The following PCDHA5 variants were observed in gnomAD, a reference collection of about 807,000 sequenced individuals.
The protein encoded by PCDHA5 is protocadherin alpha 5.
In PCDHA5, 43 loss-of-function variants were observed where a neutral mutation model predicts 61.6. The ratio of observed to expected loss-of-function variants is 0.70; its 90% CI spans 0.55 to 0.90. PCDHA5 has a LOEUF of 0.90. Among genes scored for constraint, PCDHA5 ranks in the 40% least tolerant of loss-of-function variants. PCDHA5 has a pLI of 0.00. For missense variants in PCDHA5, 1,298 were observed against 1,222.7 expected (o/e 1.06, Z -0.92); for synonymous variants, 627 against 543.9 (o/e 1.15, Z -2.13).
At chr5:140,967,980 A>C in intron 1 of PCDHA5, 1 of 1,614,198 alleles carries the variant, frequency 6.2e-7, no homozygotes, top group South Asian at 1.1e-5. Context: ...CTGGGTCTGG[A>C]GGCCACACTG....
intron 1 of PCDHA5, chr5:140,884,085 G>A (rs1181483962): frequency 6.2e-7 from 1 of 1,613,484 alleles, no homozygotes; most frequent in Non-Finnish European, 8.5e-7. Flanking sequence ...TACAATGCGT[G>A]GCTTTCGTAT....
At chr5:140,970,316 A>G (rs547261671) in intron 1 of PCDHA5, among the ~76,000 whole-genome samples, 1 of 152,342 alleles carries the variant, frequency 6.6e-6, no homozygotes, top group African/African-American at 2.4e-5. Flanking sequence ...GTTAAATGAC[A>G]GTACTTCCAA....
intron 1 of PCDHA5, chr5:140,871,061 A>G (rs2052667671): frequency 6.2e-7 from 1 of 1,613,082 alleles, no homozygotes; most frequent in African/African-American, 1.3e-5. Flanking sequence ...GTGAAGGATC[A>G]CGGTGAGCCG....
chr5:140,875,521 T>C (rs2055562442), intron 1 of PCDHA5: 2 of 1,614,014 alleles, frequency 1.2e-6, no homozygotes, highest in Non-Finnish European at 1.7e-6. Flanking sequence ...TCTGCTGCTC[T>C]CGCTTCTGCT....
At chr5:140,877,488 C>T (rs781785108) in intron 1 of PCDHA5, 9 of 1,613,736 alleles carry the variant, frequency 5.6e-6, no homozygotes, top group Admixed American at 5.0e-5. Flanking sequence ...TGGTGGAGAA[C>T]GGCCAGGCCC....
chr5:140,864,502 C>A (rs989482807), intron 1 of PCDHA5: 2 of 152,088 alleles, frequency 1.3e-5, no homozygotes, highest in African/African-American at 4.8e-5. Context: ...TTTAGCCTTG[C>A]CTTTAAAGGT....
intron 1 of PCDHA5, chr5:140,869,665 C>G: frequency 6.2e-7 from 1 of 1,613,338 alleles, no homozygotes; most frequent in Non-Finnish European, 8.5e-7. Flanking sequence ...AAATGGTAAG[C>G]AGATTAAAAG....
At chr5:140,966,489 C>T in intron 1 of PCDHA5, 1 of 440,146 alleles carries the variant, frequency 2.3e-6, no homozygotes, top group Non-Finnish European at 3.9e-6. Flanking sequence ...TTCCCTCCCC[C>T]TGGAGCTGTA....
intron 3 of PCDHA5, among the ~76,000 whole-genome samples, chr5:141,005,089 A>C (rs1554259886): frequency 6.6e-6 from 1 of 152,244 alleles, no homozygotes; most frequent in Non-Finnish European, 1.5e-5. Context: ...TTAGTACTTT[A>C]CATGCATTAC....
chr5:140,929,226 C>G lies in PCDHA5; in HGVS notation c.2353-49723C>G, dbSNP rs782065898. ...TGTTGCGTGGGGAGTACAATGCTGC[C>G]GACCTGCGAAATCTTGCCACTGGGG... is the stretch of plus-strand genomic sequence containing the variant. On this transcript the variant is annotated intron_variant, in intron 1 of 3. Transcript: ENST00000529859. 5.0e-6 allele frequency: 8 copies of G among 1,613,768 alleles called. No homozygotes were observed. In the South Asian group the frequency reaches 8.8e-5, roughly 18 times the overall value.
At position 140,822,179 on chromosome 5, in the gene PCDHA5, A is replaced by G. The variant is rs1767221241; in HGVS notation, c.404A>G (p.Gln135Arg). ...INDNPPRFSR[Q>R]EQRLFILESR... ...GACAATCCGCCCAGGTTCTCCAGAC[A>G]AGAACAAAGATTATTCATTTTAGAG... Residue 135 changes from glutamine to arginine, a missense_variant, in exon 1 of 4, where the codon CAA becomes CGA. Transcript: ENST00000529859. 1 of 1,614,222 alleles carries G rather than the reference A, an allele frequency of 6.2e-7. No individual in the cohort carries two copies. The highest frequency in any genetic ancestry group is 8.5e-7 in the Non-Finnish European group (1 of 1,180,000).
chr5:140,899,619 A>G (rs2067442008), intron 1 of PCDHA5, among the ~76,000 whole-genome samples: 2 of 152,136 alleles, frequency 1.3e-5, no homozygotes, highest in Admixed American at 1.3e-4. Context: ...AATGTTCATC[A>G]AGGATATTGG....
intron 1 of PCDHA5, among the ~76,000 whole-genome samples, chr5:140,901,492 C>T (rs548353886): frequency 1.3e-5 from 2 of 152,234 alleles, no homozygotes; most frequent in South Asian, 2.1e-4. Flanking sequence ...GCACCTTCAT[C>T]GAAAATGAGT....
At chr5:140,828,370 G>A (rs2150154603) in intron 1 of PCDHA5, 1 of 1,614,292 alleles carries the variant, frequency 6.2e-7, no homozygotes, top group South Asian at 1.1e-5. Context: ...TCGACCGCGA[G>A]GAGCTGTGCG....
At chr5:140,875,953 G>T (rs782793293) in intron 1 of PCDHA5, 1 of 1,614,066 alleles carries the variant, frequency 6.2e-7, no homozygotes, top group African/African-American at 1.3e-5. Context: ...TTCTGATGCG[G>T]ATATCGGCGT....
chr5:140,930,768 C>G (rs1049798577), intron 1 of PCDHA5, among the ~76,000 whole-genome samples: 2 of 152,094 alleles, frequency 1.3e-5, no homozygotes, highest in South Asian at 2.1e-4. Context: ...ATTTTCTGTA[C>G]TTAATATTTT....
chr5:140,906,194 A>C (rs543979654), intron 1 of PCDHA5, among the ~76,000 whole-genome samples: 6 of 152,288 alleles, frequency 3.9e-5, no homozygotes, highest in African/African-American at 1.2e-4. Context: ...AATCCAATCA[A>C]GTTGACACTC....
chr5:140,923,297 G>C (rs1554201355), intron 1 of PCDHA5, among the ~76,000 whole-genome samples: 1 of 152,186 alleles, frequency 6.6e-6, no homozygotes, highest in African/African-American at 2.4e-5. Flanking sequence ...AATTAGCTGG[G>C]CGTGGGGGCG....
intron 1 of PCDHA5, chr5:140,967,251 C>T: frequency 6.2e-7 from 1 of 1,613,408 alleles, no homozygotes; most frequent in Non-Finnish European, 8.5e-7. Context: ...GAATCGGTGG[C>T]GCCTGGAGCG....
Sources: gnomAD v4.1 joint callset for allele counts (sites outside exome capture counted in the v4.1 genomes callset) on GRCh38, gnomAD v4.1.1 for gene constraint, MANE v1.5 for transcripts, NCBI Gene and HGNC (gene_info 2026-07-23, HGNC 2026-07-21) for gene names.